The following PPP2R2B variants were observed in gnomAD, a reference collection of about 807,000 sequenced individuals.
PPP2R2B encodes the protein protein phosphatase 2 regulatory subunit Bbeta.
PPP2R2B carries 5 observed loss-of-function variants against 46.0 expected under a neutral mutation model. The observed-to-expected ratio is 0.11, with a 90% CI of 0.06 to 0.23. The LOEUF (loss-of-function observed/expected upper bound fraction) is 0.23. Ranked by LOEUF, PPP2R2B falls within the 10% of genes least tolerant of loss-of-function variation. PPP2R2B has a pLI of 1.00. For synonymous variants in PPP2R2B, 215 were observed against 206.7 expected, an observed-to-expected ratio of 1.04 and a Z score of -0.34; for missense variants, 367 against 575.0, an observed-to-expected ratio of 0.64 and a Z score of 3.70.
intron 1 of PPP2R2B, among the ~76,000 whole-genome samples, chr5:146,939,766 T>A (rs1458064866): frequency 6.6e-6 from 1 of 152,216 alleles, no homozygotes; most frequent in Non-Finnish European, 1.5e-5. Context: ...TTTTGACATT[T>A]TTTTCAAGGT....
chr5:146,957,816 G>C (rs1007645985), intron 1 of PPP2R2B, among the ~76,000 whole-genome samples: 2 of 152,158 alleles, frequency 1.3e-5, no homozygotes, highest in Admixed American at 1.3e-4. Context: ...GCTAGGTCTA[G>C]AGGAGAGGAA....
chr5:146,873,127 G>A (rs916253632), intron 2 of PPP2R2B, among the ~76,000 whole-genome samples: 3 of 152,086 alleles, frequency 2.0e-5, no homozygotes, highest in Non-Finnish European at 4.4e-5. Flanking sequence ...TTAGTGATGC[G>A]CCCCATTATG....
chr5:146,932,210 T>C (rs944584753), intron 1 of PPP2R2B, among the ~76,000 whole-genome samples: 4 of 152,142 alleles, frequency 2.6e-5, no homozygotes, highest in African/African-American at 7.2e-5. Context: ...TCAAGGCCTA[T>C]TGTATTTAAG....
At chr5:146,847,951 T>C (rs1011103197) in intron 2 of PPP2R2B, among the ~76,000 whole-genome samples, 14 of 152,232 alleles carry the variant, frequency 9.2e-5, no homozygotes, top group African/African-American at 2.6e-4. Context: ...ATTTTAGAGA[T>C]GAGGAAACAA....
At chr5:146,725,502 G>C (rs1263600536) in intron 2 of PPP2R2B, among the ~76,000 whole-genome samples, 3 of 152,186 alleles carry the variant, frequency 2.0e-5, no homozygotes, top group Non-Finnish European at 2.9e-5. Context: ...GCCTGCCTTA[G>C]AAGATAATCT....
At chr5:146,929,590 G>A (rs1247167196) in intron 1 of PPP2R2B, among the ~76,000 whole-genome samples, 1 of 152,098 alleles carries the variant, frequency 6.6e-6, no homozygotes, top group Admixed American at 6.5e-5. Flanking sequence ...GGTCAATCAT[G>A]GGGTACATTA....
rs574510547 is a variant in PPP2R2B, at chr5:147,034,612, C to T, written c.79+21053G>A. The stretch of plus-strand genomic sequence containing the variant: ...TAAAGTTTAAAATCCGTAATTTTTT[C>T]CCTATACCCTGTCTCTTCTTATAGA... On this transcript the variant is annotated intron_variant, in intron 1 of 8. Coordinates refer to the PPP2R2B transcript ENST00000336640. 3.3e-3 allele frequency among the ~76,000 whole-genome samples: 499 copies of T among 152,136 alleles called. 2 individuals are homozygous for T. Among genetic ancestry groups the T allele is most frequent in the African/African-American group, 0.012 (480 of 41,514 alleles).
At chr5:146,801,503 C>T (rs2151305875) in intron 2 of PPP2R2B, among the ~76,000 whole-genome samples, 1 of 152,236 alleles carries the variant, frequency 6.6e-6, no homozygotes, top group South Asian at 2.1e-4. Flanking sequence ...CCTTTATAAC[C>T]TTTTAAGTGG....
chr5:146,980,036 A>G (rs1217017368), intron 1 of PPP2R2B, among the ~76,000 whole-genome samples: 1 of 152,224 alleles, frequency 6.6e-6, no homozygotes, highest in African/African-American at 2.4e-5. Context: ...TATCCACAAA[A>G]TTGAATTTAA....
chr5:146,806,817 G>A (rs897077110), intron 2 of PPP2R2B, among the ~76,000 whole-genome samples: 3 of 152,206 alleles, frequency 2.0e-5, no homozygotes, highest in African/African-American at 7.2e-5. Context: ...GCAAACTGCT[G>A]AGTGTCATGT....
chr5:146,777,984 T>C (rs1479361682), intron 2 of PPP2R2B, among the ~76,000 whole-genome samples: 2 of 152,196 alleles, frequency 1.3e-5, no homozygotes, highest in Admixed American at 1.3e-4. Flanking sequence ...AGAAGGAATT[T>C]ATACACATGG....
chr5:146,826,023 AG>A (rs1337665344), intron 2 of PPP2R2B, among the ~76,000 whole-genome samples: 2 of 152,220 alleles, frequency 1.3e-5, no homozygotes, highest in Non-Finnish European at 2.9e-5. Context: ...CTTGAAAGAA[AG>A]TAGAGAAGTG....
chr5:146,781,009 A>G, intron 2 of PPP2R2B, among the ~76,000 whole-genome samples: 1 of 151,292 alleles, frequency 6.6e-6, no homozygotes, highest in Non-Finnish European at 1.5e-5. Flanking sequence ...TCCACATTTC[A>G]GATGATGATG....
intron 1 of PPP2R2B, among the ~76,000 whole-genome samples, chr5:146,896,468 C>T (rs1221506856): frequency 6.6e-6 from 1 of 152,120 alleles, no homozygotes; most frequent in African/African-American, 2.4e-5. Flanking sequence ...CTGTTCCAGC[C>T]TTCCACTCAG....
intron 5 of PPP2R2B, among the ~76,000 whole-genome samples, chr5:146,651,036 C>G (rs1364977354): frequency 6.6e-6 from 1 of 152,156 alleles, no homozygotes; most frequent in Non-Finnish European, 1.5e-5. Flanking sequence ...GAGTCATTAC[C>G]TTCCAGAGAC....
At chr5:146,708,407 ATGTGTGTGTGTGTG>A (rs148698250) in intron 2 of PPP2R2B, among the ~76,000 whole-genome samples, 4 of 138,640 alleles carry the variant, frequency 2.9e-5, no homozygotes, top group African/African-American at 8.8e-5. Context: ...GTGTGTGTGT[ATGTGTGTGTGTGTG>A]TGTGTGTGTG....
chr5:146,900,066 C>T (rs1174956361), intron 1 of PPP2R2B, among the ~76,000 whole-genome samples: 1 of 152,180 alleles, frequency 6.6e-6, no homozygotes, highest in Non-Finnish European at 1.5e-5. Context: ...TATACTCAAC[C>T]TACCAACTGA....
At chr5:146,851,823 A>AT (rs11436255) in intron 2 of PPP2R2B, among the ~76,000 whole-genome samples, 6,975 of 148,696 alleles carry the variant, frequency 0.047, 245 homozygotes, top group African/African-American at 0.096. Context: ...GAGAGTCTTC[A>AT]TTTTTTTTTT....
At chr5:146,829,913 C>G (rs142023448) in intron 2 of PPP2R2B, among the ~76,000 whole-genome samples, 7 of 152,132 alleles carry the variant, frequency 4.6e-5, no homozygotes, top group Non-Finnish European at 1.0e-4. Flanking sequence ...ATGTTTGCCT[C>G]TTACTAGTTG....
Sources: allele counts gnomAD v4.1 joint callset (sites outside exome capture counted in the v4.1 genomes callset), GRCh38; gene constraint gnomAD v4.1.1; transcripts MANE v1.5; gene names NCBI Gene and HGNC (gene_info 2026-07-23, HGNC 2026-07-21).